Variants in SLC2A12 observed in about 807,000 individuals in gnomAD.
SLC2A12 encodes solute carrier family 2 member 12, also known as solute carrier family 2, facilitated glucose transporter member 12.
SLC2A12 carries 23 observed loss-of-function variants against 41.8 expected under a neutral mutation model. The observed-to-expected ratio is 0.55, with a 90% CI of 0.40 to 0.78. The LOEUF (loss-of-function observed/expected upper bound fraction) is 0.78. Ranked by LOEUF, SLC2A12 falls within the 30% of genes least tolerant of loss-of-function variation. SLC2A12 has a pLI of 0.00. For missense variants in SLC2A12, 654 were observed against 745.6 expected (o/e 0.88, Z 1.43); for synonymous variants, 295 against 285.9 (o/e 1.03, Z -0.32).
At chr6:134,002,977 G>T (rs1776770877) in intron 3 of SLC2A12, among the ~76,000 whole-genome samples, 1 of 152,190 alleles carries the variant, frequency 6.6e-6, no homozygotes, top group African/African-American at 2.4e-5. Flanking sequence ...CATTTGCATT[G>T]TGGCGGCCCC....
intron 1 of SLC2A12, among the ~76,000 whole-genome samples, chr6:134,042,922 C>G (rs2627233): frequency 0.58 from 88,685 of 151,792 alleles, 27,331 homozygotes; most frequent in African/African-American, 0.78. Flanking sequence ...AGCTGTGATT[C>G]TGCCACTGCA....
chr6:134,041,928 C>T (rs528676303), intron 1 of SLC2A12, among the ~76,000 whole-genome samples: 1 of 152,212 alleles, frequency 6.6e-6, no homozygotes, highest in East Asian at 1.9e-4. Context: ...TGTGTGTGAG[C>T]CTTGGTGAGC....
chr6:134,006,693 G>T, intron 3 of SLC2A12, 119 bp downstream of exon 3: 1 of 1,312,688 alleles, frequency 7.6e-7, no homozygotes, highest in Non-Finnish European at 1.0e-6. Context: ...GGTCATGGCC[G>T]TTCTCCTTCT....
Position 134,028,588 on chromosome 6 carries a change from A to G in SLC2A12, c.1237T>C (p.Ser413Pro). The part of the protein sequence containing the change: ...TLRDHFKGIS[S>P]HSRSSLMPLR... ...GGCATGAGTGAGCTTCTGCTATGGG[A>G]AGAAATCCCTTTGAAGTGGTCTCTG... is the stretch of plus-strand genomic sequence containing the variant. Residue 413 changes from serine (S) to proline (P), a missense_variant, in exon 2 of 5, where the codon TCC becomes CCC. Physicochemically the swap from Ser to Pro is moderately conservative, Grantham distance 74. Transcript: ENST00000275230. 1 of 1,614,154 alleles carries G rather than the reference A, an allele frequency of 6.2e-7. No homozygotes were observed. The highest frequency in any genetic ancestry group is 8.5e-7 in the Non-Finnish European group (1 of 1,180,010).
At chr6:134,043,345 G>C (rs1288146287) in intron 1 of SLC2A12, among the ~76,000 whole-genome samples, 1 of 152,058 alleles carries the variant, frequency 6.6e-6, no homozygotes, top group African/African-American at 2.4e-5. Flanking sequence ...GGGGAGGAAG[G>C]AGGCATGTGG....
At chr6:134,002,426 T>C (rs1776764402) in intron 3 of SLC2A12, among the ~76,000 whole-genome samples, 2 of 152,178 alleles carry the variant, frequency 1.3e-5, no homozygotes, top group East Asian at 3.9e-4. Flanking sequence ...TGTGTCTTTA[T>C]TAATATAAAA....
intron 1 of SLC2A12, among the ~76,000 whole-genome samples, chr6:134,044,628 C>T (rs991617287): frequency 1.3e-5 from 2 of 149,234 alleles, no homozygotes; most frequent in African/African-American, 2.5e-5. Context: ...GCAGGAGAAT[C>T]GCTTGAACCC....
At chr6:133,996,597 G>T (rs780004884) in intron 4 of SLC2A12, among the ~76,000 whole-genome samples, 3 of 152,182 alleles carry the variant, frequency 2.0e-5, no homozygotes, top group Non-Finnish European at 2.9e-5. Flanking sequence ...TGATACTGTA[G>T]TTTCCTTTCT....
chr6:134,041,009 T>A (rs566192646), intron 1 of SLC2A12, among the ~76,000 whole-genome samples: 127 of 152,342 alleles, frequency 8.3e-4, no homozygotes, highest in Admixed American at 1.4e-3. Context: ...CTTTCTGATG[T>A]CTGTATGTTA....
chr6:134,006,699 C>T lies in SLC2A12; in HGVS notation c.1567+113G>A, dbSNP rs961513113. 14 of 1,378,900 alleles carry T rather than the reference C, an allele frequency of 1.0e-5. No individual in the cohort carries two copies. In the East Asian group the frequency reaches 1.2e-4, roughly 12 times the overall value. The allele number at this position is 1,378,900 out of a possible 1,614,324, so 85.4% of individuals were successfully genotyped here. ...GTACTTCAGGGTCATGGCCGTTCTC[C>T]TTCTAAGTGTGTTTGAAAATTTCCA... On this transcript the variant is annotated intron_variant, in intron 3 of 4. Transcript: ENST00000275230.
Position 133,991,315 on chromosome 6 carries a change from GAGAA to G in SLC2A12, c.1701-11_1701-8del, listed in dbSNP as rs1210388331. The G allele has an allele frequency of 9.3e-6, 15 of 1,609,250 alleles. No individual in the cohort carries two copies. The highest frequency in any genetic ancestry group is 1.7e-4 in the Middle Eastern group (1 of 6,034). On this transcript the variant is annotated splice_polypyrimidine_tract_variant and splice_region_variant and intron_variant, in intron 4 of 4. Coordinates refer to ENST00000275230, the MANE Select transcript of SLC2A12 (RefSeq NM_145176.3). ...GTTGTTTTTCACATAGTTCCTGAAA[GAGAA>G]AGAGGCACTAATGAAAATGTCATTC... is the stretch of plus-strand genomic sequence containing the variant.
rs200249148 is a variant in SLC2A12 at position 133,987,648 on chromosome 6, G to GTGTGTGTATA, written c.*3506_*3507insTATACACACA. 1.1e-5 allele frequency: 1 copy of GTGTGTGTATA among 88,320 alleles called. No homozygotes were observed. Among genetic ancestry groups the GTGTGTGTATA allele is most frequent in the Non-Finnish European group, 2.8e-5 (1 of 35,238 alleles). The allele number at this position is 88,320 out of a possible 1,614,324, so 5.5% of individuals were successfully genotyped here. ...TTTGTGTGTGTGTGTGTGTGTGTGT[G>GTGTGTGTATA]TATATATATATATATATATGCACCA... On this transcript the variant is annotated 3_prime_UTR_variant, in exon 5 of 5. Transcript: ENST00000275230.
chr6:134,049,975 T>G (rs916209822), intron 1 of SLC2A12, among the ~76,000 whole-genome samples: 1 of 152,216 alleles, frequency 6.6e-6, no homozygotes, highest in African/African-American at 2.4e-5. Context: ...AATGCAGACA[T>G]ATTGTGATAA....
At chr6:134,044,532 G>C (rs1249829339) in intron 1 of SLC2A12, among the ~76,000 whole-genome samples, 1 of 152,022 alleles carries the variant, frequency 6.6e-6, no homozygotes, top group African/African-American at 2.4e-5. Flanking sequence ...TGGCCAACAT[G>C]ATGAAACCCC....
In SLC2A12 at chr6:133,989,913, A is replaced by T. The variant is rs1776597485; in HGVS notation, c.*1242T>A. 1 of 152,182 alleles carries T rather than the reference A, an allele frequency of 6.6e-6. No homozygotes were observed. The highest frequency in any genetic ancestry group is 2.4e-5 in the African/African-American group (1 of 41,454). 9.4% of individuals were successfully genotyped at this position (152,182 alleles called of 1,614,324 possible). ...TTCAAGTTAGGTTGTTCGTGCTTTT[A>T]AGTTTTTTGTGTGTCTTCCATCACT... On this transcript the variant is annotated 3_prime_UTR_variant, in exon 5 of 5. Transcript: ENST00000275230.
At chr6:134,052,310 C>T in intron 1 of SLC2A12, 68 bp downstream of exon 1, 1 of 1,125,884 alleles carries the variant, frequency 8.9e-7, no homozygotes, top group Non-Finnish European at 1.3e-6. Context: ...ACTCAAGAGA[C>T]AGTACACTCG....
At chr6:134,018,992 G>T (rs1205266707) in intron 2 of SLC2A12, among the ~76,000 whole-genome samples, 3 of 152,146 alleles carry the variant, frequency 2.0e-5, no homozygotes, top group Admixed American at 6.5e-5. Flanking sequence ...GATCAGGGGA[G>T]GTTATTTGGT....
intron 1 of SLC2A12, among the ~76,000 whole-genome samples, chr6:134,046,486 C>T (rs1485482832): frequency 6.6e-6 from 1 of 152,138 alleles, no homozygotes; most frequent in African/African-American, 2.4e-5. Context: ...TTTAGTCTTA[C>T]TATTATTTCT....
At chr6:134,024,522 G>GT (rs1447567807) in intron 2 of SLC2A12, among the ~76,000 whole-genome samples, 2 of 152,076 alleles carry the variant, frequency 1.3e-5, no homozygotes, top group Non-Finnish European at 2.9e-5. Flanking sequence ...ATGATTTGCC[G>GT]TATCATTCAC....
Sources: gnomAD v4.1 joint callset for allele counts (sites outside exome capture counted in the v4.1 genomes callset) on GRCh38, gnomAD v4.1.1 for gene constraint, MANE v1.5 for transcripts, NCBI Gene and HGNC (gene_info 2026-07-23, HGNC 2026-07-21) for gene names.